Variants in GPC5 observed in about 807,000 individuals in gnomAD.
GPC5 encodes glypican-5.
In GPC5, 47 loss-of-function variants were observed where a neutral mutation model predicts 53.9. The ratio of observed to expected loss-of-function variants is 0.87; its 90% confidence interval spans 0.69 to 1.11. GPC5 has a LOEUF of 1.11. Ranked by LOEUF, GPC5 falls within the 50% of genes most tolerant of loss-of-function variation. The pLI, the probability that GPC5 is intolerant of heterozygous loss-of-function variation, is 0.00. For synonymous variants in GPC5, 286 were observed against 263.3 expected, an observed-to-expected ratio of 1.09 and a Z score of -0.84; for missense variants, 748 against 713.1, an observed-to-expected ratio of 1.05 and a Z score of -0.56.
chr13:92,455,233 A>G (rs527399782), intron 7 of GPC5, among the ~76,000 whole-genome samples: 2 of 152,316 alleles, frequency 1.3e-5, no homozygotes, highest in Non-Finnish European at 2.9e-5. Context: ...GGTGGCCACT[A>G]TAAATAGTAT....
intron 5 of GPC5, among the ~76,000 whole-genome samples, chr13:91,905,606 A>G (rs1359392551): frequency 6.6e-6 from 1 of 152,128 alleles, no homozygotes; most frequent in East Asian, 1.9e-4. Context: ...TCCACTTCTT[A>G]AAACTGGTCA....
At chr13:91,978,568 C>G (rs1348738758) in intron 6 of GPC5, among the ~76,000 whole-genome samples, 3 of 152,174 alleles carry the variant, frequency 2.0e-5, no homozygotes, top group African/African-American at 7.2e-5. Context: ...GAAGGCCTCT[C>G]TAGCTGACAT....
chr13:91,478,816 TATATATACAC>T (rs1414798157), intron 2 of GPC5, among the ~76,000 whole-genome samples: 11 of 118,666 alleles, frequency 9.3e-5, no homozygotes, highest in Non-Finnish European at 1.5e-4. Flanking sequence ...TATATATATA[TATATATACAC>T]ACACACACAT....
rs34114433 is a variant in GPC5 at position 92,560,857 on chromosome 13, ATGTGTGTGTGTG to A, written c.1562-305395_1562-305384del. 4.2e-3 allele frequency among the ~76,000 whole-genome samples: 581 copies of A among 139,254 alleles called. 2 individuals are homozygous for A. The highest frequency in any genetic ancestry group is 0.013 in the African/African-American group (512 of 38,096). 91.4% of individuals were successfully genotyped at this position (139,254 alleles called of 152,430 possible). The stretch of plus-strand genomic sequence containing the variant: ...AAATGTTAGAGAAATAGAAAATTAT[ATGTGTGTGTGTG>A]TGTGTGTGTGTGTGTGTGTGTGTGT... On this transcript the variant is annotated intron_variant, in intron 7 of 7. Transcript: ENST00000377067.
At position 91,612,719 on chromosome 13, in the gene GPC5, T is replaced by C. The variant is rs184337651; in HGVS notation, c.326-80468T>C. Among the ~76,000 whole-genome samples, 643 of 152,330 alleles carry C rather than the reference T, an allele frequency of 4.2e-3. 11 individuals are homozygous for C. The highest frequency in any genetic ancestry group is 0.015 in the African/African-American group (606 of 41,574). Reference sequence around the variant, plus strand: ...CCAATACAATGAGATATGTATGATATTCTTGAGTATTAAGTTGATCATAAC... The same window carrying C: ...CCAATACAATGAGATATGTATGATACTCTTGAGTATTAAGTTGATCATAAC... On this transcript the variant is annotated intron_variant, in intron 2 of 7. Transcript: ENST00000377067.
At chr13:91,430,883 CTGAT>C (rs1879398121) in intron 1 of GPC5, among the ~76,000 whole-genome samples, 1 of 151,974 alleles carries the variant, frequency 6.6e-6, no homozygotes, top group African/African-American at 2.4e-5. Context: ...ATAGAATTGA[CTGAT>C]TGATTGAGAC....
intron 2 of GPC5, among the ~76,000 whole-genome samples, chr13:91,582,969 C>G (rs1226112708): frequency 6.6e-6 from 1 of 152,018 alleles, no homozygotes; most frequent in Non-Finnish European, 1.5e-5. Flanking sequence ...CCACTGCACC[C>G]CAGCCTGTTT....
chr13:92,510,172 G>T (rs1880513711), intron 7 of GPC5: 1 of 151,190 alleles, frequency 6.6e-6, no homozygotes. Context: ...ATTGTTTCTA[G>T]ATAAACATAA....
intron 7 of GPC5, among the ~76,000 whole-genome samples, chr13:92,224,348 T>A (rs560762213): frequency 2.0e-5 from 3 of 152,326 alleles, no homozygotes; most frequent in African/African-American, 7.2e-5. Context: ...TTCTTCAAAG[T>A]TGTATCAAAA....
chr13:91,803,300 T>G (rs2038165185), intron 5 of GPC5, among the ~76,000 whole-genome samples: 1 of 152,206 alleles, frequency 6.6e-6, no homozygotes. Context: ...GGTGATGAAA[T>G]CAATTTACAT....
At chr13:92,832,429 T>G (rs1312851297) in intron 7 of GPC5, among the ~76,000 whole-genome samples, 1 of 152,160 alleles carries the variant, frequency 6.6e-6, no homozygotes, top group Non-Finnish European at 1.5e-5. Context: ...TTCCTGGAGA[T>G]TACTGAAATA....
intron 7 of GPC5, among the ~76,000 whole-genome samples, chr13:92,622,452 G>T (rs1322512371): frequency 3.3e-5 from 5 of 152,158 alleles, no homozygotes; most frequent in Non-Finnish European, 7.4e-5. Context: ...AAAACTCTGA[G>T]TGTGTTATCT....
rs2039883938 is a variant in GPC5, at chr13:91,937,697, T to C, written c.1401+29640T>C. On this transcript the variant is annotated intron_variant, in intron 6 of 7. Transcript: ENST00000377067. ...GGATAGACAGAAACACCAGGTTCAATTTATGACTTCATTCTGAATTGTATA... is the reference window on the plus strand; with the variant it reads ...GGATAGACAGAAACACCAGGTTCAACTTATGACTTCATTCTGAATTGTATA... Among the ~76,000 whole-genome samples, 4 of 152,122 alleles carry C rather than the reference T, an allele frequency of 2.6e-5. No individual in the cohort carries two copies. The South Asian group carries it at 8.3e-4, about 31-fold the overall frequency.
At chr13:91,981,380 C>A (rs370176389) in intron 6 of GPC5, among the ~76,000 whole-genome samples, 1 of 151,924 alleles carries the variant, frequency 6.6e-6, no homozygotes, top group African/African-American at 2.4e-5. Context: ...AGCTCCGCCT[C>A]CCGGGTTCAC....
intron 7 of GPC5, among the ~76,000 whole-genome samples, chr13:92,197,019 G>A (rs896267316): frequency 2.6e-5 from 4 of 152,168 alleles, no homozygotes; most frequent in East Asian, 1.9e-4. Flanking sequence ...CAACAAAAGC[G>A]AGTGAACTCT....
At chr13:92,143,593 T>TAAGAATTTAA (rs1229112523) in intron 6 of GPC5, among the ~76,000 whole-genome samples, 2 of 152,136 alleles carry the variant, frequency 1.3e-5, no homozygotes, top group Non-Finnish European at 2.9e-5. Flanking sequence ...CTGATAAAAA[T>TAAGAATTTAA]AAGAATTTAA....
chr13:92,060,286 CT>C (rs1166867752), intron 6 of GPC5, among the ~76,000 whole-genome samples: 1 of 151,682 alleles, frequency 6.6e-6, no homozygotes, highest in East Asian at 1.9e-4. Flanking sequence ...TAGTAGATGC[CT>C]TTTGTATTGA....
chr13:92,450,275 A>G (rs1286642075), intron 7 of GPC5, among the ~76,000 whole-genome samples: 1 of 152,190 alleles, frequency 6.6e-6, no homozygotes, highest in South Asian at 2.1e-4. Context: ...GAACAGAAGT[A>G]TTTCATATGT....
chr13:92,208,768 T>C (rs1394202137), intron 7 of GPC5, among the ~76,000 whole-genome samples: 3 of 152,222 alleles, frequency 2.0e-5, no homozygotes, highest in African/African-American at 7.2e-5. Flanking sequence ...GGAATTCACA[T>C]ATCTTTTTCA....
Sources: allele counts gnomAD v4.1 joint callset (sites outside exome capture counted in the v4.1 genomes callset), GRCh38; gene constraint gnomAD v4.1.1; transcripts MANE v1.5; gene names NCBI Gene and HGNC (gene_info 2026-07-23, HGNC 2026-07-21).